Variants in NBPF12 observed in about 807,000 individuals in gnomAD.
The protein encoded by NBPF12 is NBPF family member NBPF12.
A neutral mutation model predicts 146.4 loss-of-function variants in NBPF12; 115 were observed. The observed-to-expected ratio is 0.79, with a 90% CI of 0.68 to 0.92. The LOEUF (loss-of-function observed/expected upper bound fraction) is 0.92. Ranked by LOEUF, NBPF12 falls within the 40% of genes least tolerant of loss-of-function variation. The pLI is 0.00. For synonymous variants in NBPF12, 385 were observed against 508.9 expected, an observed-to-expected ratio of 0.76 and a Z score of 3.28; for missense variants, 1,205 against 1,326.8, an observed-to-expected ratio of 0.91 and a Z score of 1.43.
chr1:146,962,661 C>A (rs1328198912), intron 5 of NBPF12, among the ~76,000 whole-genome samples: 2 of 150,588 alleles, frequency 1.3e-5, no homozygotes, highest in Non-Finnish European at 2.9e-5. Flanking sequence ...GCCTTCTTGA[C>A]CCTGTCATTC....
exon 9 of NBPF12, chr1:146,966,646 T>C (rs1656231759): frequency 9.4e-6 from 14 of 1,482,094 alleles, no homozygotes; most frequent in African/African-American, 1.4e-5. Flanking sequence ...ACTGGCCGGC[T>C]TCCTGGCCAA....
chr1:146,961,608 A>G (rs1655854789), intron 4 of NBPF12, among the ~76,000 whole-genome samples: 1 of 147,832 alleles, frequency 6.8e-6, no homozygotes, highest in Admixed American at 6.6e-5. Context: ...ATTTGGGCAT[A>G]TTTCCTTCAT....
At chr1:146,948,606 G>A (rs1338477982), upstream of NBPF12, among the ~76,000 whole-genome samples, 49 of 152,138 alleles carry the variant, frequency 3.2e-4, 1 homozygote, top group African/African-American at 1.1e-3. Flanking sequence ...ACTACACTGC[G>A]GAAGACTGCA....
At chr1:146,983,803 T>TA (rs1357810143) in intron 20 of NBPF12, among the ~76,000 whole-genome samples, 1 of 111,272 alleles carries the variant, frequency 9.0e-6, no homozygotes, top group Non-Finnish European at 1.9e-5. Context: ...AGAGAAAGCT[T>TA]AATATTGAAG....
intron 2 of NBPF12, among the ~76,000 whole-genome samples, chr1:146,958,314 G>C (rs1419305493): frequency 7.5e-6 from 1 of 132,672 alleles, no homozygotes; most frequent in Non-Finnish European, 1.7e-5. Flanking sequence ...TAAGTAAAAC[G>C]ATTTTGAGTG....
At position 146,971,395 on chromosome 1, in the gene NBPF12, G is replaced by C; in HGVS notation, c.1591+1G>C. 3 of 1,609,012 alleles carry C rather than the reference G, an allele frequency of 1.9e-6. No homozygotes were observed. The highest frequency in any genetic ancestry group is 2.5e-6 in the Non-Finnish European group (3 of 1,177,856). ...CAGGATGCTCTAAACATTCTCCCAG[G>C]TAGCCTCTATTTTCCTTGTGTCTCA... On this transcript the variant is annotated splice_donor_variant, in intron 13 of 33. Coordinates refer to ENST00000617844, the Ensembl canonical transcript of NBPF12. LOFTEE classifies it high-confidence loss of function.
chr1:146,940,425 A>G (rs1654746040), intron 1 of NBPF12, among the ~76,000 whole-genome samples: 1 of 152,042 alleles, frequency 6.6e-6, no homozygotes, highest in African/African-American at 2.4e-5. Flanking sequence ...GCAACGTGGC[A>G]AAATGCCATC....
At chr1:146,994,283 G>A (rs782389803) in intron 33 of NBPF12, 49 bp from the exon 37 acceptor site, 2 of 1,611,072 alleles carry the variant, frequency 1.2e-6, no homozygotes, top group Non-Finnish European at 1.7e-6. Flanking sequence ...GAGGCTCTGT[G>A]GTGTCTGACT....
At chr1:146,969,023 G>T (rs1444589858) in intron 10 of NBPF12, among the ~76,000 whole-genome samples, 1 of 151,482 alleles carries the variant, frequency 6.6e-6, no homozygotes, top group Non-Finnish European at 1.5e-5. Context: ...ACATGGCTTT[G>T]TGTCTAGTGG....
rs1337858004 is a variant in NBPF12 at position 146,968,881 on chromosome 1, C to G, written c.1091+331C>G. Among the ~76,000 whole-genome samples, 13 of 151,372 alleles carry G rather than the reference C, an allele frequency of 8.6e-5. 1 individual carries two copies. The South Asian group carries it at 1.5e-3, about 17-fold the overall frequency. ...GGTGTGCCATCACGACCCCACTTAC[C>G]CTTAGTGAGAATCACCTCCTGACTG... is the stretch of plus-strand genomic sequence containing the variant. On this transcript the variant is annotated intron_variant, in intron 10 of 33. Coordinates refer to ENST00000617844, the Ensembl canonical transcript of NBPF12.
chr1:146,964,745 G>T (rs1240176105), intron 7 of NBPF12, 148 bp from the exon 11 acceptor site: 1 of 1,246,594 alleles, frequency 8.0e-7, no homozygotes, highest in Non-Finnish European at 1.2e-6. Flanking sequence ...GAGAGAAGAG[G>T]ATTGCCTGTT....
At chr1:146,963,846 C>A (rs1656019990) in intron 6 of NBPF12, among the ~76,000 whole-genome samples, 1 of 145,654 alleles carries the variant, frequency 6.9e-6, no homozygotes, top group Non-Finnish European at 1.5e-5. Context: ...GATGTGGGGG[C>A]ATTTGGTGGT....
intron 13 of NBPF12, among the ~76,000 whole-genome samples, chr1:146,971,948 C>A (rs1553886551): frequency 6.8e-6 from 1 of 148,024 alleles, no homozygotes; most frequent in Non-Finnish European, 1.5e-5. Flanking sequence ...ATTAGCTGGG[C>A]GCGGTGTTGG....
At chr1:146,958,050 C>T (rs1265683902) in intron 2 of NBPF12, among the ~76,000 whole-genome samples, 54,953 of 98,198 alleles carry the variant, frequency 0.56, 17,357 homozygotes, top group East Asian at 0.86. Flanking sequence ...ATATTATATA[C>T]ATATACACAC....
intron 12 of NBPF12, 21 bp from the exon 16 acceptor site, chr1:146,971,162 C>G (rs1656586700): frequency 6.2e-7 from 1 of 1,610,856 alleles, no homozygotes; most frequent in East Asian, 2.2e-5. Context: ...TCTGTCATCT[C>G]TGTCCCACCT....
Position 146,965,899 on chromosome 1 carries a change from G to A in NBPF12, c.779-565G>A, listed in dbSNP as rs1417067887. Reference sequence around the variant, plus strand: ...GAGGTGGGCGGAACACCTGAGCTCAGGAGATCGAAACCAGCCTGTCCAAGA... The same window carrying A: ...GAGGTGGGCGGAACACCTGAGCTCAAGAGATCGAAACCAGCCTGTCCAAGA... On this transcript the variant is annotated intron_variant, in intron 8 of 33. Coordinates refer to ENST00000617844, the Ensembl canonical transcript of NBPF12. 3.9e-4 allele frequency among the ~76,000 whole-genome samples: 58 copies of A among 150,000 alleles called. No individual in the cohort carries two copies. The East Asian group carries it at 0.011, about 29-fold the overall frequency.
intron 31 of NBPF12, among the ~76,000 whole-genome samples, 200 bp downstream of exon 34, chr1:146,992,246 T>A (rs1658214866): frequency 1.5e-5 from 2 of 133,232 alleles, no homozygotes; most frequent in African/African-American, 5.8e-5. Context: ...ACTAACCTAC[T>A]GCAGGTGGAC....
In NBPF12 at chr1:146,972,264, G is replaced by A. The variant is rs1235039265; in HGVS notation, c.1592-487G>A. ...ACAAAAATTAGCTGTCATGTTACTT[G>A]GCGCTTGTAATCCCAGATGCTTGGC... is the stretch of plus-strand genomic sequence containing the variant. On this transcript the variant is annotated intron_variant, in intron 13 of 33. Coordinates refer to ENST00000617844, the Ensembl canonical transcript of NBPF12. Among the ~76,000 whole-genome samples, 2 of 150,854 alleles carry A rather than the reference G, an allele frequency of 1.3e-5. 1 individual carries two copies. Among genetic ancestry groups the A allele is most frequent in the Non-Finnish European group, 2.9e-5 (2 of 67,966 alleles).
At position 146,966,252 on chromosome 1, in the gene NBPF12, A is replaced by G. The variant is rs1206888926; in HGVS notation, c.779-212A>G. Among the ~76,000 whole-genome samples, 22 of 152,048 alleles carry G rather than the reference A, an allele frequency of 1.4e-4. 1 individual carries two copies. Among genetic ancestry groups the G allele is most frequent in the African/African-American group, 5.3e-4 (22 of 41,278 alleles). ...AGAAACGTATAAGCAAGAAAAGTGT[A>G]GAAGTGTTTATGTCCTGCTTTAAAG... On this transcript the variant is annotated intron_variant, in intron 8 of 33. Transcript: ENST00000617844.
Sources: gnomAD v4.1 joint callset for allele counts (sites outside exome capture counted in the v4.1 genomes callset) on GRCh38, gnomAD v4.1.1 for gene constraint, MANE v1.5 for transcripts, NCBI Gene and HGNC (gene_info 2026-07-23, HGNC 2026-07-21) for gene names.